TNR: variants seen among roughly 807,000 people sequenced by gnomAD.
The protein encoded by TNR is tenascin R, also known as tenascin-R.
Under a neutral mutation model 150.4 loss-of-function variants are expected in TNR, and 45 were observed. That is an observed-to-expected ratio of 0.30 (90% CI 0.24 to 0.38). The LOEUF (loss-of-function observed/expected upper bound fraction) is 0.38, where lower values mean the gene tolerates loss of function less well. Ranked by LOEUF, TNR falls within the 10% of genes least tolerant of loss-of-function variation. The pLI, the probability that TNR is intolerant of heterozygous loss-of-function variation, is 1.00. For synonymous variants in TNR, 687 were observed against 678.4 expected, an observed-to-expected ratio of 1.01 and a Z score of -0.20; for missense variants, 1,544 against 1,759.1, an observed-to-expected ratio of 0.88 and a Z score of 2.19.
intron 1 of TNR, among the ~76,000 whole-genome samples, chr1:175,605,525 G>A (rs915160608): frequency 1.3e-5 from 2 of 152,184 alleles, no homozygotes; most frequent in Non-Finnish European, 2.9e-5. Flanking sequence ...CATGAACATA[G>A]CATTGTGGCC....
At chr1:175,436,401 C>A (rs966057703) in intron 2 of TNR, among the ~76,000 whole-genome samples, 2 of 152,204 alleles carry the variant, frequency 1.3e-5, no homozygotes, top group African/African-American at 4.8e-5. Context: ...TCTTCCATCA[C>A]TGATACCCTT....
At chr1:175,400,637 C>A in intron 4 of TNR, among the ~76,000 whole-genome samples, 1 of 152,158 alleles carries the variant, frequency 6.6e-6, no homozygotes, top group Non-Finnish European at 1.5e-5. Flanking sequence ...ACACAATGGG[C>A]AGCTATTTTC....
At chr1:175,663,324 G>A (rs1282359511) in intron 1 of TNR, among the ~76,000 whole-genome samples, 1 of 152,214 alleles carries the variant, frequency 6.6e-6, no homozygotes, top group Admixed American at 6.5e-5. Context: ...CCCAGGAGGA[G>A]TATGAGGGAG....
chr1:175,607,390 T>A (rs973463269), intron 1 of TNR, among the ~76,000 whole-genome samples: 1 of 152,192 alleles, frequency 6.6e-6, no homozygotes, highest in Non-Finnish European at 1.5e-5. Context: ...TGCAAGTTTG[T>A]GACTACAGCA....
chr1:175,327,873 C>T (rs1331661301), intron 21 of TNR, among the ~76,000 whole-genome samples: 2 of 152,134 alleles, frequency 1.3e-5, no homozygotes, highest in African/African-American at 2.4e-5. Context: ...TTTGGCAGGC[C>T]GAGGCAGGTG....
intron 1 of TNR, among the ~76,000 whole-genome samples, chr1:175,651,030 C>T (rs78056527): frequency 3.0e-5 from 2 of 67,680 alleles, no homozygotes; most frequent in Non-Finnish European, 5.8e-5. Context: ...ACCTTCCCCA[C>T]CTCATTACTA....
intron 1 of TNR, among the ~76,000 whole-genome samples, chr1:175,580,040 A>G (rs565118735): frequency 6.6e-6 from 1 of 152,280 alleles, no homozygotes; most frequent in South Asian, 2.1e-4. Flanking sequence ...TCACCTACAG[A>G]GTCGACCCCA....
At chr1:175,362,985 G>T (rs530118715) in intron 13 of TNR, among the ~76,000 whole-genome samples, 176 bp from the exon 14 acceptor site, 114 of 152,208 alleles carry the variant, frequency 7.5e-4, no homozygotes, top group Non-Finnish European at 1.5e-3. Flanking sequence ...TTGCACACTG[G>T]TCTCACTCCT....
At chr1:175,652,093 A>G (rs1275818463) in intron 1 of TNR, among the ~76,000 whole-genome samples, 1 of 148,556 alleles carries the variant, frequency 6.7e-6, no homozygotes, top group East Asian at 1.9e-4. Flanking sequence ...AGGAAATCTC[A>G]TACCTTTAAG....
intron 1 of TNR, among the ~76,000 whole-genome samples, chr1:175,592,794 C>G (rs1172368976): frequency 6.6e-6 from 1 of 152,192 alleles, no homozygotes; most frequent in Non-Finnish European, 1.5e-5. Flanking sequence ...GCTTAGTCTC[C>G]TAGTTTGGAC....
chr1:175,480,730 T>G (rs888998687), intron 2 of TNR, among the ~76,000 whole-genome samples: 6 of 152,206 alleles, frequency 3.9e-5, no homozygotes, highest in Admixed American at 2.6e-4. Context: ...GAGGCCAGAT[T>G]TGAATTCAGA....
At chr1:175,678,979 CTA>C (rs2101908678) in intron 1 of TNR, among the ~76,000 whole-genome samples, 1 of 152,356 alleles carries the variant, frequency 6.6e-6, no homozygotes, top group African/African-American at 2.4e-5. Context: ...GCTTCCAAAC[CTA>C]TGTCTGTCCA....
intron 1 of TNR, among the ~76,000 whole-genome samples, chr1:175,557,003 C>A (rs748711359): frequency 3.9e-5 from 6 of 152,184 alleles, no homozygotes; most frequent in Non-Finnish European, 7.3e-5. Flanking sequence ...CAAGAAGGCA[C>A]ATTGGAAAGG....
intron 1 of TNR, among the ~76,000 whole-genome samples, chr1:175,690,217 C>G (rs1486465071): frequency 6.6e-6 from 1 of 152,166 alleles, no homozygotes; most frequent in East Asian, 1.9e-4. Flanking sequence ...GATTTGAGTA[C>G]CTACTACGTG....
intron 2 of TNR, among the ~76,000 whole-genome samples, chr1:175,415,312 C>T (rs571695067): frequency 3.7e-4 from 57 of 152,318 alleles, no homozygotes; most frequent in South Asian, 3.1e-3. Flanking sequence ...TGGGAGAACT[C>T]GGAGCCAGCT....
chr1:175,559,583 G>T (rs1009261209), intron 1 of TNR, among the ~76,000 whole-genome samples: 1 of 152,054 alleles, frequency 6.6e-6, no homozygotes, highest in Non-Finnish European at 1.5e-5. Flanking sequence ...TATCACTGAA[G>T]AATACATATC....
At chr1:175,556,488 C>A (rs1215774677) in intron 1 of TNR, 2 of 152,172 alleles carry the variant, frequency 1.3e-5, no homozygotes, top group African/African-American at 2.4e-5. Flanking sequence ...GAAAACAAGA[C>A]CTTTTCTGGC....
At chr1:175,586,432 C>A (rs1662573947) in intron 1 of TNR, among the ~76,000 whole-genome samples, 1 of 152,150 alleles carries the variant, frequency 6.6e-6, no homozygotes, top group South Asian at 2.1e-4. Context: ...TCCTGAGTAG[C>A]TGGGATTACA....
chr1:175,723,476 A>G (rs975044171), intron 1 of TNR, among the ~76,000 whole-genome samples: 1 of 152,224 alleles, frequency 6.6e-6, no homozygotes, highest in African/African-American at 2.4e-5. Flanking sequence ...AAGAGACTCT[A>G]TCCTTGCTCT....
Sources: allele counts gnomAD v4.1 joint callset (sites outside exome capture counted in the v4.1 genomes callset), GRCh38; gene constraint gnomAD v4.1.1; transcripts MANE v1.5; gene names NCBI Gene and HGNC (gene_info 2026-07-23, HGNC 2026-07-21).